Variants in TSNARE1 observed in about 807,000 individuals in gnomAD.
TSNARE1 encodes t-SNARE domain containing 1.
A neutral mutation model predicts 62.0 loss-of-function variants in TSNARE1; 49 were observed. That is an observed-to-expected ratio of 0.79 (90% CI 0.63 to 1.00). TSNARE1 has a LOEUF of 1.00. Among genes scored for constraint, TSNARE1 ranks in the 50% least tolerant of loss-of-function variants. The pLI, the probability that TSNARE1 is intolerant of heterozygous loss-of-function variation, is 0.00. For synonymous variants in TSNARE1, 328 were observed against 294.4 expected, an observed-to-expected ratio of 1.11 and a Z score of -1.17; for missense variants, 755 against 700.1, an observed-to-expected ratio of 1.08 and a Z score of -0.88.
rs576697897 is a variant in TSNARE1 at position 142,317,235 on chromosome 8, C to T, written c.984+1309G>A. On this transcript the variant is annotated intron_variant, in intron 7 of 13. Coordinates refer to ENST00000524325, the MANE Select transcript of TSNARE1 (RefSeq NM_145003.5). Reference sequence around the variant, plus strand: ...GCACGCGTGAAGCGGGTACGACCAGCGGCTCACACTGTACGCGTGAAGCGG... The same window carrying T: ...GCACGCGTGAAGCGGGTACGACCAGTGGCTCACACTGTACGCGTGAAGCGG... Among the ~76,000 whole-genome samples, 8 of 146,614 alleles carry T rather than the reference C, an allele frequency of 5.5e-5. No individual in the cohort carries two copies. In the East Asian group the frequency reaches 6.2e-4, roughly 11 times the overall value.
intron 12 of TSNARE1, among the ~76,000 whole-genome samples, chr8:142,261,001 T>G (rs76987394): frequency 0.16 from 159 of 978 alleles, 26 homozygotes; most frequent in Middle Eastern, 0.5. Flanking sequence ...GGGAGGGGGG[T>G]GGGGAGGGAG....
At chr8:142,271,508 TG>T (rs1819540745) in intron 12 of TSNARE1, 2 of 1,330,800 alleles carry the variant, frequency 1.5e-6, no homozygotes, top group South Asian at 2.0e-5. Context: ...CGGGGAAGGC[TG>T]GAAGGCCCCC....
chr8:142,331,003 G>A, intron 5 of TSNARE1, 33 bp from the exon 6 acceptor site: 1 of 1,605,402 alleles, frequency 6.2e-7, no homozygotes, highest in Non-Finnish European at 8.5e-7. Flanking sequence ...GGTGAGGGCA[G>A]AAGGAGCTTC....
At chr8:142,250,171 T>G (rs1818093635) in intron 12 of TSNARE1, among the ~76,000 whole-genome samples, 1 of 152,158 alleles carries the variant, frequency 6.6e-6, no homozygotes, top group Non-Finnish European at 1.5e-5. Context: ...GAAATCCACA[T>G]GGCAGCCACT....
At chr8:142,359,567 T>A (rs1317780473) in intron 1 of TSNARE1, among the ~76,000 whole-genome samples, 1 of 152,012 alleles carries the variant, frequency 6.6e-6, no homozygotes, top group East Asian at 1.9e-4. Flanking sequence ...GCCACACAAG[T>A]CCATGAGGAG....
chr8:142,296,660 G>A (rs1824809444), intron 10 of TSNARE1, among the ~76,000 whole-genome samples: 2 of 152,094 alleles, frequency 1.3e-5, no homozygotes, highest in Admixed American at 6.5e-5. Flanking sequence ...GAGGCGGACA[G>A]GGGGCTAGGG....
At chr8:142,405,612 T>C (rs1838573431), upstream of TSNARE1, 1 of 152,270 alleles carries the variant, frequency 6.6e-6, no homozygotes, top group Admixed American at 6.5e-5. Context: ...CCTCTCTGAA[T>C]AGTAGCATGG....
intron 1 of TSNARE1, among the ~76,000 whole-genome samples, chr8:142,374,288 G>C (rs1466345792): frequency 2.0e-5 from 3 of 151,640 alleles, no homozygotes; most frequent in Non-Finnish European, 4.4e-5. Flanking sequence ...ATGGGAGACA[G>C]AGCGAGACCT....
intron 6 of TSNARE1, among the ~76,000 whole-genome samples, chr8:142,318,958 C>A (rs1396274078): frequency 6.8e-6 from 1 of 147,962 alleles, no homozygotes; most frequent in East Asian, 2.0e-4. Context: ...CAGGCAGACA[C>A]CCAGCAAGAG....
chr8:142,260,919 GACCT>G, intron 12 of TSNARE1, among the ~76,000 whole-genome samples: 1 of 129,448 alleles, frequency 7.7e-6, no homozygotes, highest in Non-Finnish European at 1.6e-5. Context: ...ACATATCTGA[GACCT>G]AAGGGGAAGC....
chr8:142,375,876 GAT>G (rs1836294286), intron 1 of TSNARE1, among the ~76,000 whole-genome samples: 1 of 152,180 alleles, frequency 6.6e-6, no homozygotes, highest in Non-Finnish European at 1.5e-5. Flanking sequence ...GGTTCCAACT[GAT>G]AGAGATGTGT....
At chr8:142,333,707 C>T (rs902044395) in intron 4 of TSNARE1, among the ~76,000 whole-genome samples, 3 of 152,214 alleles carry the variant, frequency 2.0e-5, no homozygotes, top group Non-Finnish European at 4.4e-5. Context: ...ATGCTCTGTG[C>T]ACCCCTGGCT....
At chr8:142,388,828 G>A (rs187385167) in intron 1 of TSNARE1, among the ~76,000 whole-genome samples, 38 of 152,106 alleles carry the variant, frequency 2.5e-4, no homozygotes, top group African/African-American at 7.5e-4. Flanking sequence ...TGTCTGCCCC[G>A]GCCTCCCAAA....
chr8:142,269,687 G>A, intron 12 of TSNARE1: 2 of 985,356 alleles, frequency 2.0e-6, no homozygotes, highest in Non-Finnish European at 2.4e-6. Context: ...AGGCTTCCTG[G>A]AGGTGGTGGG....
intron 10 of TSNARE1, among the ~76,000 whole-genome samples, chr8:142,297,573 G>A (rs1421247629): frequency 2.6e-5 from 4 of 152,286 alleles, no homozygotes; most frequent in East Asian, 1.9e-4. Flanking sequence ...TGAGGGTGCC[G>A]GCTCCACAGG....
intron 1 of TSNARE1, among the ~76,000 whole-genome samples, chr8:142,392,736 T>C (rs924881055): frequency 2.6e-5 from 4 of 151,488 alleles, no homozygotes; most frequent in African/African-American, 9.7e-5. Context: ...GGAGTTTGAG[T>C]TTGAGACCAC....
chr8:142,245,405 A>C (rs930813599), intron 12 of TSNARE1, among the ~76,000 whole-genome samples: 3 of 152,242 alleles, frequency 2.0e-5, no homozygotes, highest in Non-Finnish European at 4.4e-5. Flanking sequence ...CAAAAACTGC[A>C]AACACTCTAC....
intron 10 of TSNARE1, among the ~76,000 whole-genome samples, chr8:142,285,741 G>A (rs750692377): frequency 1.3e-5 from 2 of 152,106 alleles, no homozygotes; most frequent in Non-Finnish European, 2.9e-5. Context: ...GGAGGACTTC[G>A]GGTACCCCTC....
chr8:142,325,128 GC>G (rs1410431366), intron 6 of TSNARE1, among the ~76,000 whole-genome samples: 3 of 152,254 alleles, frequency 2.0e-5, no homozygotes, highest in Non-Finnish European at 4.4e-5. Flanking sequence ...GGTGGCCAGG[GC>G]GAGTGGGCCG....
Sources: gnomAD v4.1 joint callset for allele counts (sites outside exome capture counted in the v4.1 genomes callset) on GRCh38, gnomAD v4.1.1 for gene constraint, MANE v1.5 for transcripts, NCBI Gene and HGNC (gene_info 2026-07-23, HGNC 2026-07-21) for gene names.